The following TGFB2 variants were observed in gnomAD, a reference collection of about 807,000 sequenced individuals.
TGFB2 encodes the protein transforming growth factor beta 2, also known as transforming growth factor beta-2 proprotein.
In TGFB2, 13 loss-of-function variants were observed where a neutral mutation model predicts 42.7. The ratio of observed to expected loss-of-function variants is 0.30; its 90% confidence interval spans 0.20 to 0.48. The LOEUF is 0.48. TGFB2 is among the 20% of genes least tolerant of loss of function. The pLI, the probability that TGFB2 is intolerant of heterozygous loss-of-function variation, is 0.99. For synonymous variants in TGFB2, 193 were observed against 193.6 expected (o/e 1.00, Z 0.03); for missense variants, 390 against 517.5 (o/e 0.75, Z 2.39).
chr1:218,415,170 G>C (rs1353007820), intron 2 of TGFB2, among the ~76,000 whole-genome samples: 1 of 152,194 alleles, frequency 6.6e-6, no homozygotes, highest in Non-Finnish European at 1.5e-5. Flanking sequence ...CACAGTATCT[G>C]TATCCTCAGC....
chr1:218,435,286 T>C (rs1659935306), intron 4 of TGFB2, among the ~76,000 whole-genome samples: 1 of 152,198 alleles, frequency 6.6e-6, no homozygotes, highest in Non-Finnish European at 1.5e-5. Flanking sequence ...TATTTCAGTC[T>C]CTAACCTAGT....
At chr1:218,437,757 C>T (rs1378770013) in intron 6 of TGFB2, among the ~76,000 whole-genome samples, 1 of 152,192 alleles carries the variant, frequency 6.6e-6, no homozygotes, top group Non-Finnish European at 1.5e-5. Flanking sequence ...TGATCGGTTA[C>T]AAACCATAAG....
At position 218,347,072 on chromosome 1, in the gene TGFB2, C is replaced by T. The variant is rs746220497; in HGVS notation, c.346+25C>T. 7 of 1,548,564 alleles carry T rather than the reference C, an allele frequency of 4.5e-6. No homozygotes were observed. The African/African-American group carries it at 8.2e-5, about 18-fold the overall frequency. On this transcript the variant is annotated intron_variant, in intron 1 of 6. Transcript: ENST00000366930. Reference sequence around the variant, plus strand: ...AGTAAGTACTTATTTTGACTTCCATCCCCTGAGGTTTAGCTCTGCCCGGAG... The same window carrying T: ...AGTAAGTACTTATTTTGACTTCCATTCCCTGAGGTTTAGCTCTGCCCGGAG...
chr1:218,384,470 G>A (rs573353400), intron 1 of TGFB2, among the ~76,000 whole-genome samples: 48 of 152,240 alleles, frequency 3.2e-4, no homozygotes, highest in African/African-American at 1.0e-3. Context: ...AGTCACTTCC[G>A]CTCTGGCTGT....
intron 1 of TGFB2, among the ~76,000 whole-genome samples, chr1:218,366,604 G>A (rs892297895): frequency 1.3e-5 from 2 of 152,248 alleles, no homozygotes; most frequent in South Asian, 2.1e-4. Flanking sequence ...GAGCCACTGC[G>A]CCTGACCCGA....
At chr1:218,416,879 G>C (rs965616593) in intron 2 of TGFB2, among the ~76,000 whole-genome samples, 2 of 152,302 alleles carry the variant, frequency 1.3e-5, no homozygotes, top group East Asian at 3.9e-4. Context: ...GTGGTCCCCC[G>C]CACAAGCTCT....
chr1:218,425,895 T>C (rs1659607521), intron 2 of TGFB2, among the ~76,000 whole-genome samples: 1 of 152,224 alleles, frequency 6.6e-6, no homozygotes, highest in Non-Finnish European at 1.5e-5. Context: ...CAGGCAGATC[T>C]GAGAGACTCG....
chr1:218,347,120 CG>C, intron 1 of TGFB2, 73 bp downstream of exon 1: 3 of 1,383,336 alleles, frequency 2.2e-6, no homozygotes, highest in Middle Eastern at 2.2e-4. Flanking sequence ...CAGCAGCTCC[CG>C]GGATCGCCCT....
At chr1:218,400,877 C>T (rs1159065210) in intron 1 of TGFB2, among the ~76,000 whole-genome samples, 1 of 151,948 alleles carries the variant, frequency 6.6e-6, no homozygotes, top group Non-Finnish European at 1.5e-5. Context: ...AGATTGGGGA[C>T]ACCAGAAGGC....
intron 1 of TGFB2, among the ~76,000 whole-genome samples, chr1:218,400,500 G>A (rs1485655114): frequency 1.3e-5 from 2 of 152,064 alleles, no homozygotes; most frequent in African/African-American, 2.4e-5. Flanking sequence ...CATTGAGCCA[G>A]GTATCTCCCT....
chr1:218,357,842 G>A (rs551895643), intron 1 of TGFB2, among the ~76,000 whole-genome samples: 6 of 152,128 alleles, frequency 3.9e-5, no homozygotes, highest in Middle Eastern at 3.2e-3. Flanking sequence ...AAGAAGAGAC[G>A]CTGCGTTTCT....
In TGFB2 at chr1:218,394,899, T is replaced by C. The variant is rs1432267221; in HGVS notation, c.347-10270T>C. ...CTGGCTGTGTCTGTGCACACACAAA[T>C]AGTAGCTAGTTTATTGCCCTCCAAC... On this transcript the variant is annotated intron_variant, in intron 1 of 6. Coordinates refer to ENST00000366930, the MANE Select transcript of TGFB2 (RefSeq NM_003238.6). 2.6e-5 allele frequency among the ~76,000 whole-genome samples: 4 copies of C among 152,092 alleles called. No individual in the cohort carries two copies. The East Asian group carries it at 7.7e-4, about 29-fold the overall frequency.
At chr1:218,406,353 C>T (rs1658910961) in intron 2 of TGFB2, among the ~76,000 whole-genome samples, 1 of 152,234 alleles carries the variant, frequency 6.6e-6, no homozygotes, top group East Asian at 1.9e-4. Context: ...CAGAGATGTT[C>T]TTAAAAGCTT....
intron 1 of TGFB2, among the ~76,000 whole-genome samples, chr1:218,362,344 C>G (rs972815114): frequency 1.3e-5 from 2 of 152,190 alleles, no homozygotes; most frequent in Non-Finnish European, 2.9e-5. Flanking sequence ...ATGCCAGGCC[C>G]TAATAGGCAG....
chr1:218,419,646 G>A (rs776711168), intron 2 of TGFB2, among the ~76,000 whole-genome samples: 1 of 152,152 alleles, frequency 6.6e-6, no homozygotes, highest in Non-Finnish European at 1.5e-5. Context: ...CTTCAAATAA[G>A]TATGTAACTT....
intron 2 of TGFB2, among the ~76,000 whole-genome samples, chr1:218,418,720 T>A (rs1431795166): frequency 6.6e-6 from 1 of 152,134 alleles, no homozygotes; most frequent in African/African-American, 2.4e-5. Context: ...TGGGGGCAAG[T>A]CTTTCCCATG....
At chr1:218,368,656 A>G (rs1375642130) in intron 1 of TGFB2, among the ~76,000 whole-genome samples, 1 of 152,226 alleles carries the variant, frequency 6.6e-6, no homozygotes, top group African/African-American at 2.4e-5. Flanking sequence ...GTAATTTTAT[A>G]TAAGCTGGGC....
At chr1:218,405,498 G>A (rs1262926557) in intron 2 of TGFB2, 166 bp downstream of exon 2, 8 of 1,198,906 alleles carry the variant, frequency 6.7e-6, no homozygotes, top group Non-Finnish European at 9.6e-6. Flanking sequence ...CCTAGTCAAT[G>A]GGACTGCAGG....
chr1:218,407,676 T>C (rs1658958516), intron 2 of TGFB2, among the ~76,000 whole-genome samples: 1 of 152,208 alleles, frequency 6.6e-6, no homozygotes, highest in Non-Finnish European at 1.5e-5. Flanking sequence ...TCACAGAGAA[T>C]GGTGCTAAAT....
Sources: gnomAD v4.1 joint callset for allele counts (sites outside exome capture counted in the v4.1 genomes callset) on GRCh38, gnomAD v4.1.1 for gene constraint, MANE v1.5 for transcripts, NCBI Gene and HGNC (gene_info 2026-07-23, HGNC 2026-07-21) for gene names.